CRYL1: variants seen among roughly 807,000 people sequenced by gnomAD.
The protein encoded by CRYL1 is lambda-crystallin homolog.
Under a neutral mutation model 36.6 loss-of-function variants are expected in CRYL1, and 29 were observed. The ratio of observed to expected loss-of-function variants is 0.79; its 90% CI spans 0.59 to 1.08. The LOEUF is 1.08. Among genes scored for constraint, CRYL1 ranks in the 50% least tolerant of loss-of-function variants. CRYL1 has a pLI of 0.00. For missense variants in CRYL1, 411 were observed against 407.9 expected, an observed-to-expected ratio of 1.01 and a Z score of -0.06; for synonymous variants, 152 against 151.5, an observed-to-expected ratio of 1.00 and a Z score of -0.02.
chr13:20,474,207 AT>A (rs1398581911), intron 3 of CRYL1, among the ~76,000 whole-genome samples: 1 of 152,086 alleles, frequency 6.6e-6, no homozygotes, highest in Non-Finnish European at 1.5e-5. Context: ...CTGACAATAT[AT>A]TTTTCATAAT....
chr13:20,517,351 T>C (rs1328945708), intron 1 of CRYL1, among the ~76,000 whole-genome samples: 1 of 151,420 alleles, frequency 6.6e-6, no homozygotes, highest in African/African-American at 2.4e-5. Context: ...CTGTAACCCT[T>C]TGGGAGACCG....
chr13:20,519,247 T>A (rs2034054697), intron 1 of CRYL1, among the ~76,000 whole-genome samples: 1 of 151,960 alleles, frequency 6.6e-6, no homozygotes, highest in Non-Finnish European at 1.5e-5. Flanking sequence ...GGGGGTGTAG[T>A]CAGGAAAGTG....
chr13:20,499,658 A>AC (rs1491586507), intron 2 of CRYL1, among the ~76,000 whole-genome samples: 17 of 142,078 alleles, frequency 1.2e-4, no homozygotes, highest in South Asian at 2.4e-4. Context: ...ACACACACAC[A>AC]AAAAAAAATG....
chr13:20,473,360 T>C lies in CRYL1; in HGVS notation c.276+16010A>G, dbSNP rs577405426. On this transcript the variant is annotated intron_variant, in intron 3 of 7. Transcript: ENST00000298248. ...ATATTTTATGTGGAAATTTCCAGAC[T>C]TTTAAACATCAGTGAGTCATTCAAA... Among the ~76,000 whole-genome samples, 10 of 152,342 alleles carry C rather than the reference T, an allele frequency of 6.6e-5. 1 individual carries two copies. In the South Asian group the frequency reaches 1.7e-3, roughly 25 times the overall value.
At chr13:20,485,168 C>T (rs1382804832) in intron 3 of CRYL1, among the ~76,000 whole-genome samples, 3 of 152,136 alleles carry the variant, frequency 2.0e-5, no homozygotes, top group African/African-American at 7.2e-5. Flanking sequence ...CAGGCATACA[C>T]CACCACGCCT....
intron 3 of CRYL1, among the ~76,000 whole-genome samples, chr13:20,468,733 G>A (rs182857326): frequency 1.1e-3 from 167 of 152,294 alleles, no homozygotes; most frequent in Non-Finnish European, 1.5e-3. Flanking sequence ...AGCCTCCTGA[G>A]TGGCGAAGAC....
intron 3 of CRYL1, among the ~76,000 whole-genome samples, chr13:20,444,555 T>C (rs2032416475): frequency 6.6e-6 from 1 of 152,248 alleles, no homozygotes; most frequent in Non-Finnish European, 1.5e-5. Context: ...CCCATCCTCA[T>C]TCCAATGATG....
intron 3 of CRYL1, among the ~76,000 whole-genome samples, chr13:20,465,899 G>C (rs924847898): frequency 1.3e-5 from 2 of 151,750 alleles, no homozygotes; most frequent in African/African-American, 4.8e-5. Context: ...TCCTGGAGGG[G>C]GGCTATGAAT....
chr13:20,457,607 A>C (rs2032718278), intron 3 of CRYL1, among the ~76,000 whole-genome samples: 1 of 152,246 alleles, frequency 6.6e-6, no homozygotes, highest in Non-Finnish European at 1.5e-5. Flanking sequence ...TTTATCTCAG[A>C]AAAACAATAC....
intron 5 of CRYL1, 26 bp downstream of exon 5, chr13:20,432,076 G>C: frequency 1.9e-6 from 3 of 1,614,010 alleles, no homozygotes; most frequent in Non-Finnish European, 2.5e-6. Context: ...GGAAGGGAGG[G>C]AGGGAGAGAG....
chr13:20,507,893 G>A (rs1218793494), intron 2 of CRYL1, among the ~76,000 whole-genome samples: 8 of 151,068 alleles, frequency 5.3e-5, no homozygotes, highest in African/African-American at 2.0e-4. Context: ...ACTCCAGCCT[G>A]GGCAACAGAG....
At chr13:20,430,248 T>A (rs2032028640) in intron 5 of CRYL1, 1 of 984,830 alleles carries the variant, frequency 1.0e-6, no homozygotes, top group Non-Finnish European at 1.2e-6. Flanking sequence ...TTACTCACAT[T>A]TTCTTAATTT....
Position 20,525,004 on chromosome 13 carries a change from T to C in CRYL1, c.41+750A>G, listed in dbSNP as rs2034163859. 7.3e-6 allele frequency among the ~76,000 whole-genome samples: 1 copy of C among 137,778 alleles called. No individual in the cohort carries two copies. Among genetic ancestry groups the C allele is most frequent in the Non-Finnish European group, 1.5e-5 (1 of 65,210 alleles). 90.4% of individuals were successfully genotyped at this position (137,778 alleles called of 152,430 possible). A position where few individuals can be genotyped will look rare whatever the true frequency, so the allele number is the denominator to read the frequency against. On this transcript the variant is annotated intron_variant, in intron 1 of 7. Transcript: ENST00000298248. The surrounding 1 kb of genome is among the most constrained non-coding windows in gnomAD (Gnocchi z 4.3). ...AAAGAAAGGTACATACAAATGCCCC[T>C]TTTTAAAAAACAAAAATAGCAAGGA...
chr13:20,517,944 A>AAG (rs1348140246), intron 1 of CRYL1, among the ~76,000 whole-genome samples: 7 of 151,292 alleles, frequency 4.6e-5, no homozygotes, highest in Non-Finnish European at 8.9e-5. Flanking sequence ...TCAAGAAAAA[A>AAG]AAAAAAAAAA....
chr13:20,412,490 C>G (rs1445272234), intron 6 of CRYL1, among the ~76,000 whole-genome samples: 1 of 152,094 alleles, frequency 6.6e-6, no homozygotes, highest in Non-Finnish European at 1.5e-5. Context: ...ATCTCAGTAC[C>G]AAGAGATAGC....
chr13:20,485,422 G>A (rs2137466898), intron 3 of CRYL1, among the ~76,000 whole-genome samples: 1 of 152,294 alleles, frequency 6.6e-6, no homozygotes, highest in South Asian at 2.1e-4. Flanking sequence ...CAGGACTTTG[G>A]GAGGTGGAGG....
At chr13:20,487,384 G>C (rs2033421883) in intron 3 of CRYL1, among the ~76,000 whole-genome samples, 1 of 152,026 alleles carries the variant, frequency 6.6e-6, no homozygotes, top group African/African-American at 2.4e-5. Flanking sequence ...ATTGTAGATG[G>C]GTTCAAAAAG....
chr13:20,406,746 C>CA (rs949151146), intron 6 of CRYL1, among the ~76,000 whole-genome samples: 3 of 151,966 alleles, frequency 2.0e-5, no homozygotes. Context: ...AGGGCAGAGA[C>CA]ACAAGAATCA....
chr13:20,432,755 C>T (rs1427235865), intron 4 of CRYL1, among the ~76,000 whole-genome samples: 2 of 152,122 alleles, frequency 1.3e-5, no homozygotes, highest in African/African-American at 2.4e-5. Flanking sequence ...CGGTGGCTCA[C>T]ACCTGTAATC....
Sources: gnomAD v4.1 joint callset for allele counts (sites outside exome capture counted in the v4.1 genomes callset) on GRCh38, gnomAD v4.1.1 for gene constraint, Gnocchi (gnomAD v3.1) non-coding constraint, MANE v1.5 for transcripts, NCBI Gene and HGNC (gene_info 2026-07-23, HGNC 2026-07-21) for gene names.